Variants in TAF7L observed in about 807,000 individuals in gnomAD.
The protein encoded by TAF7L is TATA-box binding protein associated factor 7 like.
TAF7L carries 6 observed loss-of-function variants against 30.2 expected under a neutral mutation model. The observed-to-expected ratio is 0.20, with a 90% CI of 0.11 to 0.39. The LOEUF (loss-of-function observed/expected upper bound fraction) is 0.39. Ranked by LOEUF, TAF7L falls within the 10% of genes least tolerant of loss-of-function variation. The probability of loss-of-function intolerance (pLI) is 1.00; values close to 1 mark genes in which losing one functional copy is unlikely to be tolerated. For missense variants in TAF7L, 284 were observed against 277.1 expected (o/e 1.03, Z -0.18); for synonymous variants, 93 against 94.5 (o/e 0.98, Z 0.09).
intron 6 of TAF7L, among the ~76,000 whole-genome samples, chrX:101,281,271 G>T (rs1229286516): frequency 8.9e-6 from 1 of 111,816 alleles, no homozygotes; most frequent in Non-Finnish European, 1.9e-5. Context: ...AACTGTATAT[G>T]AATTTACAAT....
chrX:101,274,081 G>A (rs898068554), intron 12 of TAF7L, among the ~76,000 whole-genome samples: 2 of 112,147 alleles, frequency 1.8e-5, no homozygotes, highest in Non-Finnish European at 3.8e-5. Flanking sequence ...GAATAACATC[G>A]TTTTGTCCAA....
intron 3 of TAF7L, 110 bp downstream of exon 3, chrX:101,286,465 C>A: frequency 1.9e-6 from 1 of 522,427 alleles, no homozygotes; most frequent in Non-Finnish European, 3.1e-6. Context: ...AAGTCAGAGA[C>A]CATATTCTAT....
At chrX:101,274,763 C>T (rs1415004871) in intron 12 of TAF7L, among the ~76,000 whole-genome samples, 1 of 111,812 alleles carries the variant, frequency 8.9e-6, no homozygotes, top group Non-Finnish European at 1.9e-5. Flanking sequence ...CAGTCTTTCT[C>T]AAATGTATGT....
At chrX:101,292,881 G>A (rs928192855), upstream of TAF7L, 1 of 1,209,438 alleles carries the variant, frequency 8.3e-7, no homozygotes, top group African/African-American at 1.8e-5. Flanking sequence ...CAGGAATCTG[G>A]GTGCCTTCGT....
chrX:101,286,530 A>G, intron 3 of TAF7L, 45 bp downstream of exon 3: 2 of 985,783 alleles, frequency 2.0e-6, no homozygotes, highest in Non-Finnish European at 2.9e-6. Flanking sequence ...CAATCCCTTA[A>G]TAAATTATTG....
At position 101,287,562 on chromosome X, in the gene TAF7L, T is replaced by C. The variant is rs774471008; in HGVS notation, c.-2-17A>G. On this transcript the variant is annotated splice_polypyrimidine_tract_variant and intron_variant, in intron 1 of 12. Coordinates refer to ENST00000356784, the MANE Select transcript of TAF7L (RefSeq NM_001168474.2). The stretch of plus-strand genomic sequence containing the variant: ...CACTCATGTCTTGATTTTGAGTTCA[T>C]GAAAGCAAAAAGAAAACCATCACTA... 2 of 1,191,973 alleles carry C rather than the reference T, an allele frequency of 1.7e-6. No individual in the cohort carries two copies. The highest frequency in any genetic ancestry group is 3.5e-5 in the African/African-American group (2 of 56,770).
chrX:101,288,506 G>A (rs1265499829), intron 1 of TAF7L, among the ~76,000 whole-genome samples: 3 of 104,452 alleles, frequency 2.9e-5, no homozygotes, highest in Admixed American at 2.1e-4. Context: ...TTGAGATGGA[G>A]TTTTATGGAG....
intron 12 of TAF7L, among the ~76,000 whole-genome samples, chrX:101,273,055 C>T (rs113989620): frequency 0.35 from 38,680 of 110,518 alleles, 4,912 homozygotes; most frequent in Middle Eastern, 0.4. Flanking sequence ...ATTACAGGCA[C>T]GCACCACCGC....
At chrX:101,293,006 T>A (rs1166231619), upstream of TAF7L, 5 of 1,211,396 alleles carry the variant, frequency 4.1e-6, no homozygotes, top group Admixed American at 4.3e-5. Context: ...GTTGAATCAT[T>A]TTCTGAAGAA....
At chrX:101,292,993 G>A, upstream of TAF7L, 1 of 1,210,907 alleles carries the variant, frequency 8.3e-7, no homozygotes, top group Non-Finnish European at 1.1e-6. Flanking sequence ...TGAAACTGTT[G>A]GTGTTGAATC....
At chrX:101,276,553 G>A (rs377226295) in intron 9 of TAF7L, 25 bp from the exon 10 acceptor site, 237 of 1,201,373 alleles carry the variant, frequency 2.0e-4, no homozygotes, top group South Asian at 2.9e-4. Flanking sequence ...CAAGAAGAAG[G>A]TGAACTATCT....
At chrX:101,288,566 T>G (rs778009185) in intron 1 of TAF7L, among the ~76,000 whole-genome samples, 1 of 107,875 alleles carries the variant, frequency 9.3e-6, no homozygotes, top group Admixed American at 1.0e-4. Flanking sequence ...CATTCATTAC[T>G]ACCCTTTATT....
rs773723734 is a variant in TAF7L at position 101,276,127 on chromosome X, T to C, written c.914-15A>G. The C allele has an allele frequency of 1.5e-5, 17 of 1,162,497 alleles. No homozygotes were observed. Among genetic ancestry groups the C allele is most frequent in the Middle Eastern group, 2.6e-4 (1 of 3,884 alleles). ...AATTTCCATGACTAATAGAGAAACA[T>C]AGAACTTTATATATTAAATATAGCC... On this transcript the variant is annotated splice_polypyrimidine_tract_variant and intron_variant, in intron 10 of 12. Transcript: ENST00000356784.
At chrX:101,284,681 TCTAA>T (rs1242303881) in intron 3 of TAF7L, among the ~76,000 whole-genome samples, 2 of 112,274 alleles carry the variant, frequency 1.8e-5, no homozygotes, top group Non-Finnish European at 1.9e-5. Context: ...ATTTGAATTT[TCTAA>T]CTATGAACTT....
intron 1 of TAF7L, among the ~76,000 whole-genome samples, chrX:101,289,079 A>G (rs960463174): frequency 2.7e-5 from 3 of 111,906 alleles, no homozygotes; most frequent in Non-Finnish European, 3.8e-5. Flanking sequence ...AGCCTGTAAT[A>G]ACCAACACTA....
intron 9 of TAF7L, among the ~76,000 whole-genome samples, chrX:101,277,343 C>T (rs12557538): frequency 0.36 from 35,400 of 98,408 alleles, 5,191 homozygotes; most frequent in African/African-American, 0.4. Context: ...TCCCAGCTAC[C>T]TGGGAGGCCG....
intron 12 of TAF7L, 54 bp downstream of exon 12, chrX:101,275,167 TG>T: frequency 1.1e-6 from 1 of 869,879 alleles, no homozygotes; most frequent in South Asian, 2.2e-5. Flanking sequence ...GGAATTGAAG[TG>T]GGGGATTCTC....
chrX:101,291,960 G>A (rs970175511), upstream of TAF7L, among the ~76,000 whole-genome samples: 3 of 105,014 alleles, frequency 2.9e-5, no homozygotes, highest in Non-Finnish European at 5.9e-5. Context: ...GAGTTGGGCC[G>A]GGCGCGGTGG....
chrX:101,287,664 C>T (rs1174779860), intron 1 of TAF7L, 119 bp from the exon 2 acceptor site: 6 of 500,132 alleles, frequency 1.2e-5, no homozygotes, highest in Non-Finnish European at 2.1e-5. Context: ...CCATAATCCT[C>T]ACTAGAATGA....
Sources: gnomAD v4.1 joint callset for allele counts (sites outside exome capture counted in the v4.1 genomes callset) on GRCh38, gnomAD v4.1.1 for gene constraint, MANE v1.5 for transcripts, NCBI Gene and HGNC (gene_info 2026-07-23, HGNC 2026-07-21) for gene names.